The following RBFOX1 variants were observed in gnomAD, a reference collection of about 807,000 sequenced individuals.
The protein encoded by RBFOX1 is RNA binding fox-1 homolog 1, also known as RNA binding protein fox-1 homolog 1.
A neutral mutation model predicts 57.7 loss-of-function variants in RBFOX1; 8 were observed. The observed-to-expected ratio is 0.14, with a 90% CI of 0.08 to 0.25. RBFOX1 has a LOEUF of 0.25. RBFOX1 is among the 10% of genes least tolerant of loss of function. RBFOX1 has a pLI of 1.00. For missense variants in RBFOX1, 611 were observed against 548.5 expected, an observed-to-expected ratio of 1.11 and a Z score of -1.14; for synonymous variants, 326 against 222.4, an observed-to-expected ratio of 1.47 and a Z score of -4.15.
At chr16:6,969,737 C>G (rs151008099) in intron 3 of RBFOX1, among the ~76,000 whole-genome samples, 1 of 151,994 alleles carries the variant, frequency 6.6e-6, no homozygotes, top group African/African-American at 2.4e-5. Context: ...GAGCCAGACC[C>G]TGTCTCAAAT....
rs2095263764 is a variant in RBFOX1 at position 6,029,873 on chromosome 16, G to A, written c.-127+9881G>A. On this transcript the variant is annotated intron_variant, in intron 1 of 15. Transcript: ENST00000550418. ...GGTAAGAACCCAGCAGGACAAGCGA[G>A]CTATGAAGAATTCAACTCTCTAATG... Among the ~76,000 whole-genome samples the A allele has an allele frequency of 2.0e-5, 3 of 151,956 alleles. No homozygotes were observed. The South Asian group carries it at 6.2e-4, about 32-fold the overall frequency.
intron 4 of RBFOX1, among the ~76,000 whole-genome samples, chr16:7,222,140 C>T (rs1175127776): frequency 6.6e-6 from 1 of 152,080 alleles, no homozygotes; most frequent in African/African-American, 2.4e-5. Flanking sequence ...AAAAAAGATT[C>T]GTTGTTTCAA....
intron 3 of RBFOX1, among the ~76,000 whole-genome samples, chr16:6,687,654 C>A (rs979189686): frequency 2.0e-5 from 3 of 152,144 alleles, no homozygotes; most frequent in Non-Finnish European, 2.9e-5. Flanking sequence ...AGGATTCAGG[C>A]TGCTCCTGTT....
At chr16:6,802,747 C>T (rs770819498) in intron 3 of RBFOX1, among the ~76,000 whole-genome samples, 1 of 152,168 alleles carries the variant, frequency 6.6e-6, no homozygotes, top group Non-Finnish European at 1.5e-5. Flanking sequence ...AAAAGCCATT[C>T]CCCCACGTTG....
chr16:6,234,665 T>C (rs2097491346), intron 1 of RBFOX1, among the ~76,000 whole-genome samples: 1 of 152,116 alleles, frequency 6.6e-6, no homozygotes, highest in Non-Finnish European at 1.5e-5. Flanking sequence ...CATTGTAAAC[T>C]TAAGTAGGAA....
intron 3 of RBFOX1, among the ~76,000 whole-genome samples, chr16:6,783,632 C>T (rs1329242076): frequency 6.6e-6 from 1 of 151,938 alleles, no homozygotes; most frequent in African/African-American, 2.4e-5. Flanking sequence ...TATTATTTTT[C>T]ATAGGTTTGT....
At chr16:7,381,021 C>G (rs2097774445) in intron 4 of RBFOX1, among the ~76,000 whole-genome samples, 1 of 152,194 alleles carries the variant, frequency 6.6e-6, no homozygotes, top group South Asian at 2.1e-4. Context: ...GAAACACTTT[C>G]TTGGTATTTT....
chr16:7,507,320 TCTC>T (rs2073644507), intron 4 of RBFOX1, among the ~76,000 whole-genome samples: 1 of 152,138 alleles, frequency 6.6e-6, no homozygotes, highest in South Asian at 2.1e-4. Flanking sequence ...ATTTTATTCT[TCTC>T]TCATGTGTGT....
chr16:7,129,590 C>A (rs1487861246), intron 4 of RBFOX1, among the ~76,000 whole-genome samples: 4 of 151,964 alleles, frequency 2.6e-5, no homozygotes, highest in African/African-American at 9.7e-5. Flanking sequence ...TGAGGAATTA[C>A]AGTTGGCTTT....
In RBFOX1 at chr16:6,133,997, C is replaced by T. The variant is rs144876848; in HGVS notation, c.-127+114005C>T. ...TGTCACCCAGGGTCAAGTGCAGTGG[C>T]GCAGTCTCGGTTCAGTGCAACCTCT... is the stretch of plus-strand genomic sequence containing the variant. On this transcript the variant is annotated intron_variant, in intron 1 of 15. Transcript: ENST00000550418. Among the ~76,000 whole-genome samples, 184 of 151,582 alleles carry T rather than the reference C, an allele frequency of 1.2e-3. 2 individuals carry two copies. The Middle Eastern group carries it at 0.017, about 14-fold the overall frequency.
At chr16:6,805,446 T>A (rs2086527410) in intron 3 of RBFOX1, among the ~76,000 whole-genome samples, 1 of 152,130 alleles carries the variant, frequency 6.6e-6, no homozygotes. Flanking sequence ...GTACTTGGCT[T>A]AGTACCTGGG....
At chr16:7,568,069 C>T (rs1340233705) in intron 5 of RBFOX1, among the ~76,000 whole-genome samples, 1 of 151,922 alleles carries the variant, frequency 6.6e-6, no homozygotes, top group East Asian at 1.9e-4. Flanking sequence ...TCTATTGCTA[C>T]TGGAAAGGGG....
intron 3 of RBFOX1, among the ~76,000 whole-genome samples, chr16:6,668,925 A>T (rs1006825444): frequency 7.2e-5 from 11 of 152,358 alleles, no homozygotes; most frequent in African/African-American, 2.6e-4. Flanking sequence ...TTGTTCTGTC[A>T]TCTCTTCTAA....
intron 4 of RBFOX1, among the ~76,000 whole-genome samples, chr16:7,297,667 C>T (rs1417848065): frequency 6.6e-6 from 1 of 152,020 alleles, no homozygotes; most frequent in African/African-American, 2.4e-5. Flanking sequence ...AACGTGTAGC[C>T]TGGGGTCTTT....
intron 4 of RBFOX1, among the ~76,000 whole-genome samples, chr16:7,454,046 A>G (rs2057971585): frequency 6.6e-6 from 1 of 152,222 alleles, no homozygotes; most frequent in Non-Finnish European, 1.5e-5. Flanking sequence ...CAGCCTCACC[A>G]ACATGGTGAA....
At chr16:5,776,700 G>T (rs2054160894) in intron 3 of RBFOX1, among the ~76,000 whole-genome samples, 1 of 152,198 alleles carries the variant, frequency 6.6e-6, no homozygotes, top group African/African-American at 2.4e-5. Context: ...TGGCAGAGCT[G>T]GGATTTCAAC....
intron 12 of RBFOX1, among the ~76,000 whole-genome samples, chr16:7,662,898 T>C (rs1400862060): frequency 6.6e-6 from 1 of 152,246 alleles, no homozygotes; most frequent in Non-Finnish European, 1.5e-5. Context: ...GCAAAGGCAC[T>C]GCACTGTTGA....
chr16:5,511,831 G>A (rs947896431), intron 2 of RBFOX1, among the ~76,000 whole-genome samples: 2 of 152,204 alleles, frequency 1.3e-5, no homozygotes, highest in Non-Finnish European at 1.5e-5. Context: ...GAGTAGGGGA[G>A]ACCAGAAGGG....
At chr16:6,554,859 C>G (rs950559585) in intron 2 of RBFOX1, among the ~76,000 whole-genome samples, 1 of 147,886 alleles carries the variant, frequency 6.8e-6, no homozygotes, top group Non-Finnish European at 1.5e-5. Context: ...CTCGCTCTGT[C>G]GCTCTCTCTC....
Sources: allele counts gnomAD v4.1 joint callset (sites outside exome capture counted in the v4.1 genomes callset), GRCh38; gene constraint gnomAD v4.1.1; transcripts MANE v1.5; gene names NCBI Gene and HGNC (gene_info 2026-07-23, HGNC 2026-07-21).